PLIN4: variants seen among roughly 807,000 people sequenced by gnomAD.
PLIN4 encodes the protein perilipin-4.
A neutral mutation model predicts 52.4 loss-of-function variants in PLIN4; 57 were observed. That is an observed-to-expected ratio of 1.09 (90% CI 0.88 to 1.36). PLIN4 has a LOEUF of 1.36. Ranked by LOEUF, PLIN4 falls within the 40% of genes most tolerant of loss-of-function variation. The pLI is 0.00. For synonymous variants in PLIN4, 826 were observed against 785.4 expected (o/e 1.05, Z -0.86); for missense variants, 1,757 against 1,770.3 (o/e 0.99, Z 0.13).
intron 4 of PLIN4, among the ~76,000 whole-genome samples, chr19:4,515,518 C>T (rs1976561978): frequency 6.6e-6 from 1 of 152,134 alleles, no homozygotes; most frequent in South Asian, 2.1e-4. Flanking sequence ...ATCTGCCTGC[C>T]TCAGCCTCCC....
chr19:4,513,488 G>T lies in PLIN4; in HGVS notation c.472C>A (p.Leu158Met), dbSNP rs1014056837. The T allele has an allele frequency of 1.9e-6, 3 of 1,612,942 alleles. No individual in the cohort carries two copies. Among genetic ancestry groups the T allele is most frequent in the Non-Finnish European group, 2.5e-6 (3 of 1,179,762 alleles). The change falls in exon 5 of 8, where the codon CTG becomes ATG. Residue 158 changes from leucine to methionine, a missense_variant. Coordinates refer to ENST00000301286, the MANE Select transcript of PLIN4 (RefSeq NM_001367868.2). ...DMAKGAVQGGLDTSKAVLTGT... is the reference protein window; with the variant it reads ...DMAKGAVQGGMDTSKAVLTGT... ...GTGAGGACAGCCTTCGAGGTGTCCA[G>T]ACCCCCTTGGACGGCCCCCTTAGCC...
At position 4,510,436 on chromosome 19, in the gene PLIN4, G is replaced by A. The variant is rs548188954; in HGVS notation, c.3514+10C>T. 6.1e-5 allele frequency: 85 copies of A among 1,394,884 alleles called. No homozygotes were observed. The highest frequency in any genetic ancestry group is 1.9e-4 in the Middle Eastern group (1 of 5,186). 86.4% of individuals were successfully genotyped at this position (1,394,884 alleles called of 1,614,324 possible). Reference sequence around the variant, plus strand: ...GCCTCAGGGACCCATGAACCCAGGCGTCCCCTCACCTTGCTCCTCCGCATT... The same window carrying A: ...GCCTCAGGGACCCATGAACCCAGGCATCCCCTCACCTTGCTCCTCCGCATT... On this transcript the variant is annotated intron_variant, in intron 5 of 7. Transcript: ENST00000301286.
chr19:4,502,394 C>T lies in PLIN4; in HGVS notation c.*2065G>A, dbSNP rs921194142. On this transcript the variant is annotated 3_prime_UTR_variant, in exon 8 of 8. Transcript: ENST00000301286. Reference sequence around the variant, plus strand: ...AAAGGCCAGTGGCAGGAGAGCTGGGCGGGAGCAAGCTCTTCCCAGGAGACA... The same window carrying T: ...AAAGGCCAGTGGCAGGAGAGCTGGGTGGGAGCAAGCTCTTCCCAGGAGACA... 1.5e-4 allele frequency: 54 copies of T among 349,694 alleles called. No homozygotes were observed. Among genetic ancestry groups the T allele is most frequent in the Non-Finnish European group, 2.3e-4 (42 of 186,014 alleles). 21.7% of individuals were successfully genotyped at this position (349,694 alleles called of 1,614,324 possible). A position where few individuals can be genotyped will look rare whatever the true frequency, so the allele number is the denominator to read the frequency against.
intron 6 of PLIN4, 24 bp from the exon 7 acceptor site, chr19:4,504,971 A>AATG: frequency 6.3e-7 from 1 of 1,579,350 alleles, no homozygotes; most frequent in Non-Finnish European, 8.6e-7. Context: ...ACAGTGGGGA[A>AATG]ATGATGGCTT....
rs75416218 is a variant in PLIN4 at position 4,503,260 on chromosome 19, G to A, written c.*1199C>T. On this transcript the variant is annotated 3_prime_UTR_variant, in exon 8 of 8. Coordinates refer to ENST00000301286, the MANE Select transcript of PLIN4 (RefSeq NM_001367868.2). ...AAGGGGACGACAAGGTTCTCTTACC[G>A]GGTGAGTGGGGATATGGCTTCCTGG... The A allele has an allele frequency of 0.041, 6,278 of 152,520 alleles. 267 individuals carry two copies. Among genetic ancestry groups the A allele is most frequent in the African/African-American group, 0.1 (4,309 of 41,540 alleles). 9.4% of individuals were successfully genotyped at this position (152,520 alleles called of 1,614,324 possible). A position where few individuals can be genotyped will look rare whatever the true frequency, so the allele number is the denominator to read the frequency against.
intron 6 of PLIN4, among the ~76,000 whole-genome samples, chr19:4,506,405 T>C (rs1032988070): frequency 2.0e-5 from 3 of 152,220 alleles, no homozygotes; most frequent in African/African-American, 7.2e-5. Context: ...GTGTCCCCTC[T>C]TCAGGGTGAC....
rs541102612 is a variant in PLIN4 at position 4,502,468 on chromosome 19, G to A, written c.*1991C>T. On this transcript the variant is annotated 3_prime_UTR_variant, in exon 8 of 8. Coordinates refer to ENST00000301286, the MANE Select transcript of PLIN4 (RefSeq NM_001367868.2). ...AGCTGTGCTGCCTGCGCCCTGCCCCGCACCCACGAGGCTGGGGGGTTTGAT... is the reference window on the plus strand; with the variant it reads ...AGCTGTGCTGCCTGCGCCCTGCCCCACACCCACGAGGCTGGGGGGTTTGAT... 1.2e-4 allele frequency: 36 copies of A among 296,304 alleles called. No individual in the cohort carries two copies. The highest frequency in any genetic ancestry group is 5.5e-4 in the South Asian group (19 of 34,730). 18.4% of individuals were successfully genotyped at this position (296,304 alleles called of 1,614,324 possible).
At chr19:4,517,513 T>A (rs1196920716) in intron 3 of PLIN4, 41 bp downstream of exon 3, 1 of 1,582,528 alleles carries the variant, frequency 6.3e-7, no homozygotes, top group Non-Finnish European at 8.6e-7. Flanking sequence ...CAGGTCCATG[T>A]GTAGAGTCCC....
chr19:4,511,074 A>G lies in PLIN4; in HGVS notation c.2886T>C (p.Asp962=), dbSNP rs1164065267. ...TAKTVLSGAK[D]AVTTGVTGAV... ...CCCCCGTGACTCCAGTAGTCACTGC[A>G]TCCTTAGCGCCACTCAGCACCGTCT... is the stretch of plus-strand genomic sequence containing the variant. The change falls in exon 5 of 8, where the codon GAT becomes GAC. Residue 962 remains aspartate (D), a synonymous_variant. Transcript: ENST00000301286. The G allele has an allele frequency of 8.1e-6, 13 of 1,613,166 alleles. No homozygotes were observed. The highest frequency in any genetic ancestry group is 1.1e-5 in the Non-Finnish European group (13 of 1,179,772).
chr19:4,513,806 C>T (rs1976512568), intron 4 of PLIN4, 105 bp from the exon 5 acceptor site: 1 of 1,381,970 alleles, frequency 7.2e-7, no homozygotes, highest in Non-Finnish European at 9.5e-7. Flanking sequence ...CAAGGAACTG[C>T]AGGCACCCAG....
chr19:4,518,339 T>A (rs1247132212), intron 1 of PLIN4, 46 bp downstream of exon 1: 1 of 1,231,668 alleles, frequency 8.1e-7, no homozygotes, highest in African/African-American at 1.6e-5. Context: ...TAGCCTCCCA[T>A]CCCACACCCA....
rs1976039688 is a variant in PLIN4 at position 4,504,786 on chromosome 19, C to T, written c.3790-1G>A. ...TGGACAGAACCCCGGCATCCCGCTC[C>T]TGTGGGAGGAAGGCGCAAGGTGAGT... On this transcript the variant is annotated splice_acceptor_variant, in intron 7 of 7. Coordinates refer to ENST00000301286, the MANE Select transcript of PLIN4 (RefSeq NM_001367868.2). LOFTEE classifies it high-confidence loss of function. The T allele has an allele frequency of 1.2e-6, 2 of 1,600,746 alleles. No homozygotes were observed. The highest frequency in any genetic ancestry group is 8.5e-7 in the Non-Finnish European group (1 of 1,172,410).
intron 5 of PLIN4, 23 bp downstream of exon 5, chr19:4,510,423 C>T (rs755296443): frequency 7.2e-7 from 1 of 1,394,454 alleles, no homozygotes; most frequent in Non-Finnish European, 9.3e-7. Context: ...CTCAGGGACC[C>T]ATGAACCCAG....
At position 4,512,046 on chromosome 19, in the gene PLIN4, G is replaced by A. The variant is rs529275985; in HGVS notation, c.1914C>T (p.Val638=). 6.2e-7 allele frequency: 1 copy of A among 1,608,528 alleles called. No homozygotes were observed. Among genetic ancestry groups the A allele is most frequent in the East Asian group, 2.2e-5 (1 of 44,672 alleles). Residue 638 remains valine, a synonymous_variant, in exon 5 of 8, where the codon GTC becomes GTT. Coordinates refer to ENST00000301286, the MANE Select transcript of PLIN4 (RefSeq NM_001367868.2). The stretch of plus-strand genomic sequence containing the variant: ...CCTTGGCCACGTTCACGGCACTGGT[G>A]ACCCCACTGTAGATGGTGTCCTTGG... The part of the protein sequence containing the change: ...TGTKDTIYSG[V]TSAVNVAKGA...
In PLIN4 at chr19:4,510,965, T is replaced by C. The variant is rs1424405989; in HGVS notation, c.2995A>G (p.Ser999Gly). The C allele has an allele frequency of 6.2e-7, 1 of 1,613,118 alleles. No homozygotes were observed. Among genetic ancestry groups the C allele is most frequent in the Admixed American group, 1.7e-5 (1 of 59,996 alleles). Reference sequence around the variant, plus strand: ...ATGCTCATGGCACCGGTAACCCCACTGAAGACAGTGTCCTTGGTACCCATA... The same window carrying C: ...ATGCTCATGGCACCGGTAACCCCACCGAAGACAGTGTCCTTGGTACCCATA... ...VLMGTKDTVF[S>G]GVTGAMSMAK... is the part of the protein sequence containing the mutation. The change falls in exon 5 of 8, where the codon AGT becomes GGT. Residue 999 changes from serine (S) to glycine (G), a missense_variant. Ser to Gly is a moderately conservative substitution (Grantham distance 56). Coordinates refer to ENST00000301286, the MANE Select transcript of PLIN4 (RefSeq NM_001367868.2).
chr19:4,516,959 T>C (rs1976600577), intron 3 of PLIN4, among the ~76,000 whole-genome samples: 1 of 152,166 alleles, frequency 6.6e-6, no homozygotes, highest in African/African-American at 2.4e-5. Context: ...CCGGGGTTCA[T>C]ATAGCCTGGC....
At chr19:4,516,884 G>A (rs116379358) in intron 3 of PLIN4, among the ~76,000 whole-genome samples, 7,691 of 152,304 alleles carry the variant, frequency 0.05, 657 homozygotes, top group African/African-American at 0.18. Flanking sequence ...CAAGCCCAGG[G>A]CCGCTGTTCC....
Position 4,512,380 on chromosome 19 carries a change from AC to A in PLIN4, c.1579del (p.Val527SerfsTer2), listed in dbSNP as rs768937443. 21 of 1,607,666 alleles carry A rather than the reference AC, an allele frequency of 1.3e-5. No homozygotes were observed. The highest frequency in any genetic ancestry group is 1.8e-5 in the Non-Finnish European group (21 of 1,177,690). On this transcript the variant is annotated frameshift_variant, in exon 5 of 8. Coordinates refer to ENST00000301286, the MANE Select transcript of PLIN4 (RefSeq NM_001367868.2). LOFTEE classifies it high-confidence loss of function. ...VQTGVDTTKT[V>X]LTGTKDTVCS... Reference sequence around the variant, plus strand: ...GACGGTGTCCTTGGTGCCGGTTAGGACAGTCTTGGTGGTGTCTACGCCGGTC... The same window carrying A: ...GACGGTGTCCTTGGTGCCGGTTAGGAAGTCTTGGTGGTGTCTACGCCGGTC...
At chr19:4,509,268 GC>G (rs1976204526) in intron 5 of PLIN4, among the ~76,000 whole-genome samples, 1 of 117,918 alleles carries the variant, frequency 8.5e-6, no homozygotes, top group Non-Finnish European at 1.6e-5. Flanking sequence ...CCGAGATGGA[GC>G]CACTGCACTC....
Sources: allele counts gnomAD v4.1 joint callset (sites outside exome capture counted in the v4.1 genomes callset), GRCh38; gene constraint gnomAD v4.1.1; transcripts MANE v1.5; gene names NCBI Gene and HGNC (gene_info 2026-07-23, HGNC 2026-07-21).